The following CCNY variants were observed in gnomAD, a reference collection of about 807,000 sequenced individuals.
The protein encoded by CCNY is cyclin Y, also known as cyclin-Y.
CCNY carries 19 observed loss-of-function variants against 42.8 expected under a neutral mutation model. The observed-to-expected ratio is 0.44, with a 90% confidence interval of 0.31 to 0.65. The LOEUF (loss-of-function observed/expected upper bound fraction) is 0.65, where lower values mean the gene tolerates loss of function less well. Among genes scored for constraint, CCNY ranks in the 30% least tolerant of loss-of-function variants. The pLI is 0.07. For synonymous variants in CCNY, 165 were observed against 162.7 expected (o/e 1.01, Z -0.11); for missense variants, 370 against 437.3 (o/e 0.85, Z 1.37).
chr10:35,372,902 T>C (rs529008480), intron 1 of CCNY, among the ~76,000 whole-genome samples: 3 of 152,292 alleles, frequency 2.0e-5, no homozygotes, highest in African/African-American at 4.8e-5. Context: ...TTCACCATGT[T>C]GGCCAGGCTG....
chr10:35,551,608 T>G (rs1841259909), intron 7 of CCNY, among the ~76,000 whole-genome samples: 1 of 152,170 alleles, frequency 6.6e-6, no homozygotes, highest in African/African-American at 2.4e-5. Context: ...TTCAGAGAAG[T>G]GTAAGACGTA....
chr10:35,370,341 CG>C (rs1836903831), intron 1 of CCNY, among the ~76,000 whole-genome samples: 2 of 152,036 alleles, frequency 1.3e-5, no homozygotes, highest in Middle Eastern at 3.4e-3. Context: ...TTAGTAGAGA[CG>C]GGGTTTCACC....
intron 4 of CCNY, among the ~76,000 whole-genome samples, chr10:35,524,762 CAGAT>C (rs1840618361): frequency 2.0e-5 from 3 of 152,276 alleles, no homozygotes; most frequent in Admixed American, 2.0e-4. Flanking sequence ...TAAAGAAACT[CAGAT>C]AGAAAAAGGA....
At chr10:35,262,322 C>CATTTT (rs144902785) in intron 3 of CCNY, among the ~76,000 whole-genome samples, 42,175 of 110,150 alleles carry the variant, frequency 0.38, 9,608 homozygotes, top group Middle Eastern at 0.49. Context: ...CAACATGAGT[C>CATTTT]ATTTTATTTT....
intron 1 of CCNY, among the ~76,000 whole-genome samples, chr10:35,365,364 T>C (rs1343897974): frequency 1.3e-5 from 2 of 152,222 alleles, no homozygotes; most frequent in Admixed American, 6.5e-5. Context: ...TACTGCAGTA[T>C]TAATATCTTA....
At chr10:35,311,454 A>G (rs897274414) in intron 3 of CCNY, among the ~76,000 whole-genome samples, 4 of 152,208 alleles carry the variant, frequency 2.6e-5, no homozygotes, top group African/African-American at 9.6e-5. Context: ...AGGCGGGTGG[A>G]TCACCTGAGC....
intron 3 of CCNY, among the ~76,000 whole-genome samples, chr10:35,290,222 TCACACACACACACACACACACA>T (rs368209050): frequency 1.6e-5 from 2 of 122,910 alleles, no homozygotes; most frequent in Admixed American, 8.6e-5. Context: ...CAAGACTCCA[TCACACACACACACACACACACA>T]CACACACACA....
At chr10:35,477,487 G>T (rs1457765761) in intron 1 of CCNY, among the ~76,000 whole-genome samples, 1 of 151,244 alleles carries the variant, frequency 6.6e-6, no homozygotes, top group Non-Finnish European at 1.5e-5. Flanking sequence ...TTCAATATAC[G>T]CAAATCAATA....
chr10:35,489,504 G>A (rs986965837), intron 2 of CCNY, among the ~76,000 whole-genome samples: 6 of 152,080 alleles, frequency 3.9e-5, no homozygotes, highest in African/African-American at 1.2e-4. Context: ...GTTTCACCAT[G>A]TTAGCCAGGG....
At chr10:35,509,085 A>G (rs762387292) in intron 3 of CCNY, among the ~76,000 whole-genome samples, 2 of 152,166 alleles carry the variant, frequency 1.3e-5, no homozygotes, top group Non-Finnish European at 2.9e-5. Flanking sequence ...GGCCAAATAC[A>G]TTTCTACAGA....
rs1589144182 is a variant in CCNY at position 35,474,308 on chromosome 10, G to A, written c.155-9096G>A. Among the ~76,000 whole-genome samples the A allele has an allele frequency of 9.2e-5, 14 of 152,330 alleles. 2 individuals are homozygous for A. In the South Asian group the frequency reaches 2.9e-3, roughly 32 times the overall value. On this transcript the variant is annotated intron_variant, in intron 1 of 9. Transcript: ENST00000374704. Reference sequence around the variant, plus strand: ...GTGGAGCCCACCACAGCTCAAGGAGGCCTGCGTGCCTCTGTAGGCTCCACC... The same window carrying A: ...GTGGAGCCCACCACAGCTCAAGGAGACCTGCGTGCCTCTGTAGGCTCCACC...
At chr10:35,373,936 A>C (rs1836994581) in intron 1 of CCNY, among the ~76,000 whole-genome samples, 1 of 150,612 alleles carries the variant, frequency 6.6e-6, no homozygotes, top group Non-Finnish European at 1.5e-5. Context: ...TGTTTTCTCA[A>C]GTGCCCCATA....
intron 7 of CCNY, among the ~76,000 whole-genome samples, chr10:35,531,245 A>T (rs1206601068): frequency 6.6e-6 from 1 of 152,216 alleles, no homozygotes; most frequent in Non-Finnish European, 1.5e-5. Context: ...AGATCAGAAT[A>T]CCATTTCCTG....
chr10:35,283,224 C>T (rs1249679961), intron 3 of CCNY, among the ~76,000 whole-genome samples: 7 of 151,974 alleles, frequency 4.6e-5, no homozygotes, highest in Admixed American at 1.3e-4. Context: ...TTAAGTGAAT[C>T]GAGCAGCAGA....
At chr10:35,308,524 C>T (rs1175621250) in intron 3 of CCNY, among the ~76,000 whole-genome samples, 10 of 152,096 alleles carry the variant, frequency 6.6e-5, no homozygotes, top group Admixed American at 6.6e-4. Context: ...TGCACTCCAG[C>T]CTGCGTGACA....
chr10:35,366,905 C>T (rs1836821145), intron 1 of CCNY, among the ~76,000 whole-genome samples: 1 of 152,194 alleles, frequency 6.6e-6, no homozygotes, highest in Non-Finnish European at 1.5e-5. Context: ...TATTAGGCAG[C>T]ACAGATTGAG....
chr10:35,514,412 A>T (rs1840387882), intron 3 of CCNY, among the ~76,000 whole-genome samples: 1 of 152,176 alleles, frequency 6.6e-6, no homozygotes, highest in African/African-American at 2.4e-5. Flanking sequence ...TCAGACCCGC[A>T]GGTGGGGCAG....
At chr10:35,391,966 G>A (rs893138441) in intron 1 of CCNY, among the ~76,000 whole-genome samples, 47 of 126,984 alleles carry the variant, frequency 3.7e-4, no homozygotes, top group African/African-American at 1.2e-3. Flanking sequence ...CACAGGAATC[G>A]CAGCCTTCTA....
intron 1 of CCNY, among the ~76,000 whole-genome samples, chr10:35,338,672 T>C (rs979438229): frequency 6.6e-6 from 1 of 152,214 alleles, no homozygotes; most frequent in African/African-American, 2.4e-5. Context: ...CAGAAAGCCA[T>C]TACCCAGTCC....
Sources: gnomAD v4.1 joint callset for allele counts (sites outside exome capture counted in the v4.1 genomes callset) on GRCh38, gnomAD v4.1.1 for gene constraint, MANE v1.5 for transcripts, NCBI Gene and HGNC (gene_info 2026-07-23, HGNC 2026-07-21) for gene names.